The following CD58 variants were observed in gnomAD, a reference collection of about 807,000 sequenced individuals.
The protein encoded by CD58 is lymphocyte function-associated antigen 3.
CD58 carries 14 observed loss-of-function variants against 27.6 expected under a neutral mutation model. The ratio of observed to expected loss-of-function variants is 0.51; its 90% CI spans 0.34 to 0.79. The LOEUF (loss-of-function observed/expected upper bound fraction) is 0.79. Ranked by LOEUF, CD58 falls within the 30% of genes least tolerant of loss-of-function variation. The pLI is 0.02. For missense variants in CD58, 268 were observed against 301.7 expected, an observed-to-expected ratio of 0.89 and a Z score of 0.83; for synonymous variants, 117 against 103.8, an observed-to-expected ratio of 1.13 and a Z score of -0.77.
At position 116,570,927 on chromosome 1, in the gene CD58, C is replaced by T; in HGVS notation, c.46G>A (p.Val16Met). 1 of 1,569,230 alleles carries T rather than the reference C, an allele frequency of 6.4e-7. No individual in the cohort carries two copies. The highest frequency in any genetic ancestry group is 1.4e-5 in the African/African-American group (1 of 73,962). ...DAGRALGVLS[V>M]VCLLHCFGFI... ...CCAAAGCAGTGCAGCAGGCAGACCACGCTGAGGACCCCCAGGGCCCGCCCC... is the reference window on the plus strand; with the variant it reads ...CCAAAGCAGTGCAGCAGGCAGACCATGCTGAGGACCCCCAGGGCCCGCCCC... The change falls in exon 1 of 6, where the codon GTG becomes ATG. Residue 16 changes from valine (V) to methionine (M), a missense_variant. By Grantham distance (21) the Val-to-Met change is conservative. Coordinates refer to ENST00000369489, the MANE Select transcript of CD58 (RefSeq NM_001779.3). This position sits in a 1 kb window ranked among gnomAD's most constrained non-coding sequence, Gnocchi z 6.4.
chr1:116,539,823 A>G (rs1175846694), intron 2 of CD58, among the ~76,000 whole-genome samples: 1 of 152,242 alleles, frequency 6.6e-6, no homozygotes, highest in Non-Finnish European at 1.5e-5. Flanking sequence ...TCTAACAAAT[A>G]TTCGTTATAC....
intron 2 of CD58, among the ~76,000 whole-genome samples, chr1:116,543,277 T>C (rs954280384): frequency 6.6e-6 from 1 of 151,872 alleles, no homozygotes; most frequent in African/African-American, 2.4e-5. Flanking sequence ...ACTGTCAGCA[T>C]CAGCATCATC....
chr1:116,544,639 A>G (rs772315810), intron 1 of CD58, 35 bp from the exon 2 acceptor site: 8 of 1,463,176 alleles, frequency 5.5e-6, no homozygotes, highest in South Asian at 1.3e-5. Flanking sequence ...AGAAAAAACA[A>G]CATGACTTTG....
Position 116,528,521 on chromosome 1 carries a change from T to C in CD58, c.629-6538A>G, listed in dbSNP as rs1657495795. On this transcript the variant is annotated intron_variant, in intron 3 of 5. Coordinates refer to ENST00000369489, the MANE Select transcript of CD58 (RefSeq NM_001779.3). The surrounding 1 kb of genome is among the most constrained non-coding windows in gnomAD (Gnocchi z 4.4). ...GGTCGGAACTGAACAATGTTTCTTTTATGTTCTTGGTCCATAAATGTGTAC... is the reference window on the plus strand; with the variant it reads ...GGTCGGAACTGAACAATGTTTCTTTCATGTTCTTGGTCCATAAATGTGTAC... Among the ~76,000 whole-genome samples, 1 of 152,226 alleles carries C rather than the reference T, an allele frequency of 6.6e-6. No individual in the cohort carries two copies. Among genetic ancestry groups the C allele is most frequent in the African/African-American group, 2.4e-5 (1 of 41,462 alleles).
At chr1:116,514,947 G>T (rs1201398568) in intron 5 of CD58, 125 bp from the exon 6 acceptor site, 10 of 622,400 alleles carry the variant, frequency 1.6e-5, no homozygotes, top group Non-Finnish European at 2.6e-5. Flanking sequence ...TCAAAGCCAA[G>T]GGAGCTAGGG....
chr1:116,514,826 CA>C lies in CD58; in HGVS notation c.744-5del, dbSNP rs528351630. The C allele has an allele frequency of 4.3e-4, 664 of 1,530,628 alleles. No homozygotes were observed. The highest frequency in any genetic ancestry group is 6.1e-4 in the South Asian group (52 of 85,608). 94.8% of individuals were successfully genotyped at this position (1,530,628 alleles called of 1,614,324 possible). ...TTCTGTTACCAATCAATTGGAGCTA[CA>C]AAAAAAAATCATATTATTAACTTGT... On this transcript the variant is annotated splice_region_variant and splice_polypyrimidine_tract_variant and intron_variant, in intron 5 of 5. Coordinates refer to ENST00000369489, the MANE Select transcript of CD58 (RefSeq NM_001779.3).
At chr1:116,539,561 C>G (rs2300746) in intron 2 of CD58, among the ~76,000 whole-genome samples, 32,806 of 152,098 alleles carry the variant, frequency 0.22, 4,752 homozygotes, top group East Asian at 0.57. Context: ...AAAGTAATTT[C>G]AGGGGAAACA....
rs1658356380 is a variant in CD58 at position 116,550,519 on chromosome 1, T to C, written c.71-5915A>G. ...GTGACATATTCAGGCTCCACTTCTA[T>C]TTTTCTTGCTATTTCCACCCTTCAA... is the stretch of plus-strand genomic sequence containing the variant. On this transcript the variant is annotated intron_variant, in intron 1 of 5. Coordinates refer to ENST00000369489, the MANE Select transcript of CD58 (RefSeq NM_001779.3). This position sits in a 1 kb window ranked among gnomAD's most constrained non-coding sequence, Gnocchi z 4.2. Among the ~76,000 whole-genome samples, 1 of 152,186 alleles carries C rather than the reference T, an allele frequency of 6.6e-6. No homozygotes were observed. The highest frequency in any genetic ancestry group is 6.5e-5 in the Admixed American group (1 of 15,270).
chr1:116,534,176 C>T lies in CD58; in HGVS notation c.628+1789G>A. 1.6e-6 allele frequency: 1 copy of T among 618,158 alleles called. No homozygotes were observed. Among genetic ancestry groups the T allele is most frequent in the East Asian group, 3.4e-5 (1 of 29,786 alleles). 38.3% of individuals were successfully genotyped at this position (618,158 alleles called of 1,614,324 possible). A position where few individuals can be genotyped will look rare whatever the true frequency, so the allele number is the denominator to read the frequency against. ...CACTCAGGCCAGTCCTCGGGGAGCA[C>T]ACGCCGCCCATCTGGCTCGCACCGC... On this transcript the variant is annotated intron_variant, in intron 3 of 5. Coordinates refer to ENST00000369489, the MANE Select transcript of CD58 (RefSeq NM_001779.3). The surrounding 1 kb of genome is among the most constrained non-coding windows in gnomAD (Gnocchi z 5.3).
chr1:116,539,466 G>T (rs541536174), intron 2 of CD58, among the ~76,000 whole-genome samples: 1 of 152,020 alleles, frequency 6.6e-6, no homozygotes, highest in East Asian at 1.9e-4. Context: ...TCACTGTAAA[G>T]GTCAAACAGA....
chr1:116,561,025 C>T (rs1658733269), intron 1 of CD58, among the ~76,000 whole-genome samples: 1 of 152,112 alleles, frequency 6.6e-6, no homozygotes, highest in Non-Finnish European at 1.5e-5. Flanking sequence ...GCAGAAACAG[C>T]ATGAGAAGAA....
rs1658356063 is a variant in CD58 at position 116,550,512 on chromosome 1, A to G, written c.71-5908T>C. Among the ~76,000 whole-genome samples, 1 of 152,136 alleles carries G rather than the reference A, an allele frequency of 6.6e-6. No individual in the cohort carries two copies. The highest frequency in any genetic ancestry group is 6.6e-5 in the Admixed American group (1 of 15,266). ...CAACTGAGTGACATATTCAGGCTCC[A>G]CTTCTATTTTTCTTGCTATTTCCAC... is the stretch of plus-strand genomic sequence containing the variant. On this transcript the variant is annotated intron_variant, in intron 1 of 5. Coordinates refer to ENST00000369489, the MANE Select transcript of CD58 (RefSeq NM_001779.3). The surrounding 1 kb of genome is among the most constrained non-coding windows in gnomAD (Gnocchi z 4.2).
Position 116,531,350 on chromosome 1 carries a change from A to C in CD58, c.628+4615T>G, listed in dbSNP as rs920579779. The stretch of plus-strand genomic sequence containing the variant: ...GTATTTTGTCTCTTGGAACACTTAA[A>C]ACTTTTCAAGATTTCAACTTGCTTG... On this transcript the variant is annotated intron_variant, in intron 3 of 5. Transcript: ENST00000369489. This position sits in a 1 kb window ranked among gnomAD's most constrained non-coding sequence, Gnocchi z 4.5. Among the ~76,000 whole-genome samples, 6 of 152,242 alleles carry C rather than the reference A, an allele frequency of 3.9e-5. No individual in the cohort carries two copies. Among genetic ancestry groups the C allele is most frequent in the Non-Finnish European group, 4.4e-5 (3 of 68,038 alleles).
intron 4 of CD58, among the ~76,000 whole-genome samples, chr1:116,520,497 T>C (rs980490107): frequency 2.0e-5 from 3 of 151,626 alleles, no homozygotes; most frequent in Admixed American, 1.3e-4. Context: ...ATTTTCTGTA[T>C]ATTGAATGAC....
intron 2 of CD58, among the ~76,000 whole-genome samples, chr1:116,537,544 A>C (rs6677309): frequency 0.28 from 42,520 of 152,072 alleles, 8,380 homozygotes; most frequent in East Asian, 0.6. Flanking sequence ...CAGTGCAGGG[A>C]GCAGCATGTG....
intron 1 of CD58, among the ~76,000 whole-genome samples, chr1:116,548,171 T>G (rs1217733388): frequency 1.3e-5 from 2 of 152,270 alleles, no homozygotes; most frequent in African/African-American, 2.4e-5. Flanking sequence ...CTTGCTGATT[T>G]GTTTGACTTC....
At chr1:116,547,831 A>T (rs1173748255) in intron 1 of CD58, among the ~76,000 whole-genome samples, 1 of 152,166 alleles carries the variant, frequency 6.6e-6, no homozygotes, top group Non-Finnish European at 1.5e-5. Context: ...ATACCCAGTA[A>T]TGGGATTGCT....
intron 1 of CD58, among the ~76,000 whole-genome samples, chr1:116,566,276 T>C (rs1658934218): frequency 6.6e-6 from 1 of 152,198 alleles, no homozygotes; most frequent in Non-Finnish European, 1.5e-5. Context: ...TAGGAAAATA[T>C]ACTGATGCTA....
rs527863527 is a variant in CD58, at chr1:116,516,627, G to A, written c.744-1805C>T. 7.2e-5 allele frequency among the ~76,000 whole-genome samples: 11 copies of A among 152,158 alleles called. No individual in the cohort carries two copies. In the South Asian group the frequency reaches 1.2e-3, roughly 17 times the overall value. On this transcript the variant is annotated intron_variant, in intron 5 of 5. Coordinates refer to ENST00000369489, the MANE Select transcript of CD58 (RefSeq NM_001779.3). This position sits in a 1 kb window ranked among gnomAD's most constrained non-coding sequence, Gnocchi z 6.1. The stretch of plus-strand genomic sequence containing the variant: ...AATTCCCTCTCATGTATTTGCCTCC[G>A]CTGTTTATCCCACCTGGAATGCCTT...
Sources: gnomAD v4.1 joint callset for allele counts (sites outside exome capture counted in the v4.1 genomes callset) on GRCh38, gnomAD v4.1.1 for gene constraint, Gnocchi (gnomAD v3.1) non-coding constraint, MANE v1.5 for transcripts, NCBI Gene and HGNC (gene_info 2026-07-23, HGNC 2026-07-21) for gene names.